Variants in LRRC49 observed in about 807,000 individuals in gnomAD.
LRRC49 encodes leucine-rich repeat-containing protein 49.
Under a neutral mutation model 83.3 loss-of-function variants are expected in LRRC49, and 50 were observed. The observed-to-expected ratio is 0.60, with a 90% CI of 0.48 to 0.76. The LOEUF (loss-of-function observed/expected upper bound fraction) is 0.76. Ranked by LOEUF, LRRC49 falls within the 30% of genes least tolerant of loss-of-function variation. The pLI, the probability that LRRC49 is intolerant of heterozygous loss-of-function variation, is 0.00. For missense variants in LRRC49, 704 were observed against 809.1 expected, an observed-to-expected ratio of 0.87 and a Z score of 1.58; for synonymous variants, 286 against 283.3, an observed-to-expected ratio of 1.01 and a Z score of -0.10.
At chr15:70,892,272 T>C, upstream of LRRC49, 1 of 1,563,480 alleles carries the variant, frequency 6.4e-7, no homozygotes, top group Non-Finnish European at 8.7e-7. Flanking sequence ...CGGGCCGGCA[T>C]GGCGGCCGTC....
At position 71,050,123 on chromosome 15, in the gene LRRC49, G is replaced by T. The variant is rs529011801; in HGVS notation, c.*511G>T. ...TTCAGTCAGAATTGTCATATTTATTGTATGTTCCTCTTTAGTTAGGTACGG... is the reference window on the plus strand; with the variant it reads ...TTCAGTCAGAATTGTCATATTTATTTTATGTTCCTCTTTAGTTAGGTACGG... On this transcript the variant is annotated 3_prime_UTR_variant, in exon 16 of 16. Transcript: ENST00000260382. 24 of 153,390 alleles carry T rather than the reference G, an allele frequency of 1.6e-4. No individual in the cohort carries two copies. Among genetic ancestry groups the T allele is most frequent in the African/African-American group, 4.6e-4 (19 of 41,518 alleles). 9.5% of individuals were successfully genotyped at this position (153,390 alleles called of 1,614,324 possible). A position where few individuals can be genotyped will look rare whatever the true frequency, so the allele number is the denominator to read the frequency against.
intron 9 of LRRC49, among the ~76,000 whole-genome samples, chr15:70,978,700 T>C (rs2037294907): frequency 1.3e-5 from 2 of 152,194 alleles, no homozygotes; most frequent in Non-Finnish European, 1.5e-5. Flanking sequence ...AATAAATTAC[T>C]GAACAGACAT....
At chr15:70,961,126 AAC>A (rs566309526) in intron 8 of LRRC49, among the ~76,000 whole-genome samples, 18 of 152,310 alleles carry the variant, frequency 1.2e-4, no homozygotes, top group African/African-American at 4.1e-4. Flanking sequence ...AAGAGCTGAA[AAC>A]ACAAAGAAGA....
intron 1 of LRRC49, among the ~76,000 whole-genome samples, chr15:70,870,361 C>G (rs779222696): frequency 6.2e-5 from 9 of 144,492 alleles, no homozygotes; most frequent in African/African-American, 1.0e-4. Flanking sequence ...GAAACATGAG[C>G]AAATGCACTA....
intron 7 of LRRC49, among the ~76,000 whole-genome samples, chr15:70,930,312 C>T (rs568405856): frequency 2.6e-5 from 4 of 152,212 alleles, no homozygotes; most frequent in African/African-American, 9.6e-5. Context: ...TGTTAATAAG[C>T]AGTAATATTT....
At chr15:70,987,432 T>C (rs2141232645) in intron 11 of LRRC49, among the ~76,000 whole-genome samples, 1 of 152,368 alleles carries the variant, frequency 6.6e-6, no homozygotes, top group South Asian at 2.1e-4. Flanking sequence ...TAGAGGTGTT[T>C]GTAGTATTCT....
intron 9 of LRRC49, among the ~76,000 whole-genome samples, chr15:70,975,859 C>T (rs1237711950): frequency 6.6e-6 from 1 of 151,708 alleles, no homozygotes; most frequent in African/African-American, 2.4e-5. Flanking sequence ...TACTAATGTT[C>T]ACCAATATGC....
intron 1 of LRRC49, among the ~76,000 whole-genome samples, chr15:70,858,356 C>T (rs1180675013): frequency 3.9e-5 from 6 of 152,158 alleles, no homozygotes; most frequent in Non-Finnish European, 8.8e-5. Context: ...AATCCCAGCA[C>T]TTTTGGAGGC....
upstream of LRRC49, chr15:70,892,645 C>G: frequency 6.9e-7 from 1 of 1,447,508 alleles, no homozygotes; most frequent in Non-Finnish European, 9.0e-7. Context: ...AATACTCCCG[C>G]TCTGTTTTTA....
At chr15:71,044,561 G>A (rs2039792788) in intron 15 of LRRC49, among the ~76,000 whole-genome samples, 1 of 152,122 alleles carries the variant, frequency 6.6e-6, no homozygotes, top group African/African-American at 2.4e-5. Context: ...GGCTGAGGTG[G>A]GTGGATTGCT....
At chr15:70,981,634 A>G (rs2037403207) in intron 10 of LRRC49, among the ~76,000 whole-genome samples, 1 of 152,118 alleles carries the variant, frequency 6.6e-6, no homozygotes, top group Non-Finnish European at 1.5e-5. Flanking sequence ...AGTGAAGGAA[A>G]GTGAAACTTA....
intron 14 of LRRC49, among the ~76,000 whole-genome samples, chr15:71,025,246 T>G (rs1324691690): frequency 2.6e-5 from 4 of 152,092 alleles, no homozygotes; most frequent in African/African-American, 9.7e-5. Context: ...CACACAATTA[T>G]CAGATTCTCC....
chr15:70,882,700 A>C, intron 2 of LRRC49: 1 of 1,611,188 alleles, frequency 6.2e-7, no homozygotes, highest in Non-Finnish European at 8.5e-7. Flanking sequence ...TGCTTTTCAT[A>C]TATCTTTAAT....
chr15:70,886,719 A>C (rs1268836018), intron 2 of LRRC49, among the ~76,000 whole-genome samples: 1 of 152,000 alleles, frequency 6.6e-6, no homozygotes, highest in Non-Finnish European at 1.5e-5. Flanking sequence ...TACAAAAATT[A>C]GCTGGGTGCG....
At chr15:70,868,534 G>A (rs1175841354) in intron 1 of LRRC49, among the ~76,000 whole-genome samples, 1 of 152,208 alleles carries the variant, frequency 6.6e-6, no homozygotes, top group African/African-American at 2.4e-5. Flanking sequence ...AATTGAGCAT[G>A]CATCAGAATC....
intron 1 of LRRC49, chr15:70,853,763 C>T (rs2141063187): frequency 3.0e-6 from 2 of 677,278 alleles, no homozygotes; most frequent in South Asian, 7.5e-5. Context: ...GGAGCTGCTT[C>T]CCCGGCGGCG....
Position 70,963,665 on chromosome 15 carries a change from C to T in LRRC49, c.774-120C>T. ...ACTGGGTATGGGGTATAGGGGAACT[C>T]TGTACTATCTTCTCAATTTTTCTGT... On this transcript the variant is annotated intron_variant, in intron 8 of 15. Coordinates refer to ENST00000260382, the MANE Select transcript of LRRC49 (RefSeq NM_017691.5). 3 of 1,105,104 alleles carry T rather than the reference C, an allele frequency of 2.7e-6. No individual in the cohort carries two copies. The South Asian group carries it at 4.8e-5, about 18-fold the overall frequency. 68.5% of individuals were successfully genotyped at this position (1,105,104 alleles called of 1,614,324 possible). A position where few individuals can be genotyped will look rare whatever the true frequency, so the allele number is the denominator to read the frequency against.
Position 70,919,146 on chromosome 15 carries a change from G to A in LRRC49, c.664G>A (p.Asp222Asn), listed in dbSNP as rs2034908944. ...LSHVDNLNGL[D>N]SLTELNLRHN... ...TCATGTTGATAATCTTAATGGGCTG[G>A]ATTCACTAACTGAACTTAACTTGCG... The change falls in exon 7 of 16, where the codon GAT becomes AAT. Residue 222 changes from aspartate to asparagine, a missense_variant. By Grantham distance (23) the Asp-to-Asn change is conservative. This residue lies in a region of LRRC49 where 261 missense variants were observed against 330.5 expected (regional missense o/e 0.79). Coordinates refer to ENST00000260382, the MANE Select transcript of LRRC49 (RefSeq NM_017691.5). 6.2e-7 allele frequency: 1 copy of A among 1,612,884 alleles called. No homozygotes were observed. Among genetic ancestry groups the A allele is most frequent in the African/African-American group, 1.3e-5 (1 of 74,876 alleles).
chr15:70,968,986 A>G (rs1406049439), intron 9 of LRRC49, among the ~76,000 whole-genome samples: 1 of 152,022 alleles, frequency 6.6e-6, no homozygotes. Flanking sequence ...CTTTTGTTTG[A>G]TTAGGTCCCA....
Sources: allele counts gnomAD v4.1 joint callset (sites outside exome capture counted in the v4.1 genomes callset), GRCh38; gene constraint gnomAD v4.1.1; regional missense constraint gnomAD v4.1.1; transcripts MANE v1.5; gene names NCBI Gene and HGNC (gene_info 2026-07-23, HGNC 2026-07-21).